The following PPARGC1A variants were observed in gnomAD, a reference collection of about 807,000 sequenced individuals.
The protein encoded by PPARGC1A is PPARG coactivator 1 alpha, also known as peroxisome proliferator-activated receptor gamma coactivator 1-alpha.
A neutral mutation model predicts 88.7 loss-of-function variants in PPARGC1A; 25 were observed. That is an observed-to-expected ratio of 0.28 (90% CI 0.21 to 0.39). The LOEUF (loss-of-function observed/expected upper bound fraction) is 0.39, where lower values mean the gene tolerates loss of function less well. Ranked by LOEUF, PPARGC1A falls within the 10% of genes least tolerant of loss-of-function variation. The probability of loss-of-function intolerance (pLI) is 1.00; values close to 1 mark genes in which losing one functional copy is unlikely to be tolerated. For synonymous variants in PPARGC1A, 363 were observed against 355.6 expected, an observed-to-expected ratio of 1.02 and a Z score of -0.24; for missense variants, 880 against 968.7, an observed-to-expected ratio of 0.91 and a Z score of 1.22.
chr4:24,436,626 G>T, the PPARGC1A span, among the ~76,000 whole-genome samples: 2 of 147,714 alleles, frequency 1.4e-5, no homozygotes, highest in Non-Finnish European at 3.0e-5. Flanking sequence ...CAGAGCCCGG[G>T]TCACATTGCT....
the PPARGC1A span, among the ~76,000 whole-genome samples, chr4:24,242,273 G>T: frequency 6.6e-6 from 1 of 152,170 alleles, no homozygotes; most frequent in African/African-American, 2.4e-5. Flanking sequence ...CAACACGCCT[G>T]GTGTGGTCTA....
the PPARGC1A span, among the ~76,000 whole-genome samples, chr4:24,186,780 G>C: frequency 4.6e-5 from 7 of 151,790 alleles, no homozygotes; most frequent in South Asian, 6.3e-4. Flanking sequence ...CCATGGGCAG[G>C]GCTGCCAGGA....
chr4:24,253,616 C>A, the PPARGC1A span, among the ~76,000 whole-genome samples: 1 of 152,224 alleles, frequency 6.6e-6, no homozygotes, highest in Non-Finnish European at 1.5e-5. Context: ...ACACATTCAA[C>A]AGGGCCTGGG....
intron 2 of PPARGC1A, among the ~76,000 whole-genome samples, chr4:23,840,552 A>G (rs542859124): frequency 4.5e-4 from 69 of 152,234 alleles, no homozygotes; most frequent in African/African-American, 1.6e-3. Context: ...CTCTGGACAC[A>G]TTCTACACAT....
At chr4:24,467,340 A>T in the PPARGC1A span, among the ~76,000 whole-genome samples, 1 of 152,210 alleles carries the variant, frequency 6.6e-6, no homozygotes, top group Non-Finnish European at 1.5e-5. Flanking sequence ...GAACGTAGAA[A>T]TGCACTTAAA....
At chr4:23,865,434 T>C (rs185344866) in intron 2 of PPARGC1A, among the ~76,000 whole-genome samples, 182 of 152,282 alleles carry the variant, frequency 1.2e-3, no homozygotes, top group Non-Finnish European at 2.0e-3. Flanking sequence ...AGGGTAGTGA[T>C]TGACACTTAG....
chr4:23,828,322 G>A (rs1413654823), intron 5 of PPARGC1A, 78 bp downstream of exon 5: 1 of 1,398,782 alleles, frequency 7.1e-7, no homozygotes, highest in Non-Finnish European at 1.0e-6. Flanking sequence ...GCAAGAAGTT[G>A]GTGTGTTCTC....
chr4:24,044,053 TAAC>T, the PPARGC1A span, among the ~76,000 whole-genome samples: 1 of 152,154 alleles, frequency 6.6e-6, no homozygotes, highest in African/African-American at 2.4e-5. Context: ...GGCTTTCACT[TAAC>T]AAAGAGCGTC....
At chr4:24,310,009 T>C in the PPARGC1A span, among the ~76,000 whole-genome samples, 1 of 152,182 alleles carries the variant, frequency 6.6e-6, no homozygotes, top group Admixed American at 6.5e-5. Context: ...CAAGAGTGAC[T>C]CCTAGTTGAA....
chr4:24,453,134 A>G, the PPARGC1A span, among the ~76,000 whole-genome samples: 6 of 152,222 alleles, frequency 3.9e-5, no homozygotes, highest in African/African-American at 1.2e-4. Flanking sequence ...CAGGGAGAAG[A>G]TGGCCAACTA....
the PPARGC1A span, among the ~76,000 whole-genome samples, chr4:23,917,782 G>A: frequency 6.6e-6 from 1 of 152,188 alleles, no homozygotes; most frequent in Non-Finnish European, 1.5e-5. Context: ...TAGTGCCAAT[G>A]TATTCTTTGA....
chr4:23,869,009 G>A (rs902395067), intron 2 of PPARGC1A, among the ~76,000 whole-genome samples: 1 of 152,166 alleles, frequency 6.6e-6, no homozygotes, highest in Non-Finnish European at 1.5e-5. Flanking sequence ...CATGGAGGGT[G>A]CAGAGATGGC....
chr4:24,437,804 T>C, the PPARGC1A span, among the ~76,000 whole-genome samples: 1 of 151,756 alleles, frequency 6.6e-6, no homozygotes, highest in African/African-American at 2.4e-5. Flanking sequence ...CACATCCAGC[T>C]AATTCTTTGT....
chr4:24,069,067 A>T, the PPARGC1A span, among the ~76,000 whole-genome samples: 2 of 152,226 alleles, frequency 1.3e-5, no homozygotes, highest in African/African-American at 4.8e-5. Context: ...GTGCCACGTT[A>T]TGTGCATTAA....
chr4:24,287,263 C>A, the PPARGC1A span, among the ~76,000 whole-genome samples: 1 of 151,956 alleles, frequency 6.6e-6, no homozygotes, highest in Non-Finnish European at 1.5e-5. Context: ...CAAATCATTC[C>A]CAGTCGAGAA....
upstream of PPARGC1A, chr4:23,890,249 A>G: frequency 6.9e-6 from 3 of 436,884 alleles, no homozygotes; most frequent in Non-Finnish European, 3.6e-6. Context: ...AAAAGAAAAG[A>G]AAGAAAGAAA....
chr4:24,088,037 G>C, the PPARGC1A span, among the ~76,000 whole-genome samples: 1 of 152,108 alleles, frequency 6.6e-6, no homozygotes, highest in African/African-American at 2.4e-5. Context: ...AAGTATGAAT[G>C]ATAAAATATA....
At chr4:24,157,026 C>A in the PPARGC1A span, among the ~76,000 whole-genome samples, 2 of 152,128 alleles carry the variant, frequency 1.3e-5, no homozygotes, top group Non-Finnish European at 2.9e-5. Context: ...TTAATTTATT[C>A]AAGGATACCA....
Position 23,818,828 on chromosome 4 carries a change from A to G in PPARGC1A, c.878-4223T>C, listed in dbSNP as rs1988310. Among the ~76,000 whole-genome samples, 3 of 118,508 alleles carry G rather than the reference A, an allele frequency of 2.5e-5. No individual in the cohort carries two copies. The South Asian group carries it at 8.5e-4, about 34-fold the overall frequency. 77.7% of individuals were successfully genotyped at this position (118,508 alleles called of 152,430 possible). A position where few individuals can be genotyped will look rare whatever the true frequency, so the allele number is the denominator to read the frequency against. ...CTCTGTTTCTTGTGATGTGCTATTCACCAATGGCATCTTTTTTTTTTTTTT... is the reference window on the plus strand; with the variant it reads ...CTCTGTTTCTTGTGATGTGCTATTCGCCAATGGCATCTTTTTTTTTTTTTT... On this transcript the variant is annotated intron_variant, in intron 7 of 12. Coordinates refer to ENST00000264867, the MANE Select transcript of PPARGC1A (RefSeq NM_013261.5).
Sources: allele counts gnomAD v4.1 joint callset (sites outside exome capture counted in the v4.1 genomes callset), GRCh38; gene constraint gnomAD v4.1.1; transcripts MANE v1.5; gene names NCBI Gene and HGNC (gene_info 2026-07-23, HGNC 2026-07-21).